The following LAYN variants were observed in gnomAD, a reference collection of about 807,000 sequenced individuals.
LAYN encodes the protein layilin.
Under a neutral mutation model 43.6 loss-of-function variants are expected in LAYN, and 38 were observed. The observed-to-expected ratio is 0.87, with a 90% CI of 0.67 to 1.14. The LOEUF (loss-of-function observed/expected upper bound fraction) is 1.14, where lower values mean the gene tolerates loss of function less well. Among genes scored for constraint, LAYN ranks in the 50% most tolerant of loss-of-function variants. LAYN has a pLI of 0.00. For synonymous variants in LAYN, 168 were observed against 172.9 expected (o/e 0.97, Z 0.22); for missense variants, 479 against 463.8 (o/e 1.03, Z -0.30).
chr11:111,554,207 T>C (rs537978112), intron 3 of LAYN, among the ~76,000 whole-genome samples: 4 of 152,314 alleles, frequency 2.6e-5, no homozygotes, highest in South Asian at 2.1e-4. Flanking sequence ...GGGATTATTG[T>C]TGAAACTAGA....
upstream of LAYN, chr11:111,540,533 C>A (rs1867508832): frequency 4.5e-6 from 2 of 440,254 alleles, no homozygotes; most frequent in Non-Finnish European, 8.1e-6. Flanking sequence ...CAGGGAAGCT[C>A]GGAGGGGGAC....
intron 5 of LAYN, among the ~76,000 whole-genome samples, chr11:111,555,942 A>C (rs913723332): frequency 2.0e-5 from 3 of 152,222 alleles, no homozygotes; most frequent in Non-Finnish European, 4.4e-5. Context: ...GCAATAGTGC[A>C]GTTCAGTTCT....
chr11:111,543,213 C>T (rs1434056775), intron 1 of LAYN, among the ~76,000 whole-genome samples: 1 of 152,152 alleles, frequency 6.6e-6, no homozygotes, highest in Non-Finnish European at 1.5e-5. Context: ...CCCTGAGCTC[C>T]AGTTTTCTCA....
In LAYN at chr11:111,553,715, TACACACACACACAC is replaced by T. The variant is rs60878342; in HGVS notation, c.542-821_542-808del. On this transcript the variant is annotated intron_variant, in intron 3 of 6. Coordinates refer to ENST00000375614, the MANE Select transcript of LAYN (RefSeq NM_178834.5). ...TAAATAAATGGATTTACATCACCTA[TACACACACACACAC>T]ACACACACACACACACACACACACT... 2.3e-4 allele frequency among the ~76,000 whole-genome samples: 32 copies of T among 140,482 alleles called. 1 individual carries two copies. The highest frequency in any genetic ancestry group is 7.5e-4 in the African/African-American group (28 of 37,344). The allele number at this position is 140,482 out of a possible 152,430, so 92.2% of individuals were successfully genotyped here.
chr11:111,544,420 A>G (rs1489792404), intron 2 of LAYN, among the ~76,000 whole-genome samples, 200 bp downstream of exon 2: 1 of 152,218 alleles, frequency 6.6e-6, no homozygotes, highest in Non-Finnish European at 1.5e-5. Flanking sequence ...CTGATGTCCA[A>G]GGAACTCTGT....
chr11:111,552,838 A>G (rs567218684), intron 3 of LAYN, among the ~76,000 whole-genome samples: 18 of 152,188 alleles, frequency 1.2e-4, no homozygotes, highest in Non-Finnish European at 2.5e-4. Flanking sequence ...AGCTTCTTAG[A>G]GGGCTGAGAT....
intron 3 of LAYN, among the ~76,000 whole-genome samples, chr11:111,552,066 GT>G (rs1290893885): frequency 6.6e-6 from 1 of 151,738 alleles, no homozygotes; most frequent in Non-Finnish European, 1.5e-5. Flanking sequence ...ACGTGTGTAT[GT>G]GATACAAAGA....
chr11:111,550,040 C>G (rs142025026), intron 3 of LAYN, among the ~76,000 whole-genome samples: 2 of 152,274 alleles, frequency 1.3e-5, no homozygotes, highest in African/African-American at 4.8e-5. Flanking sequence ...TAAAGCAAGT[C>G]TTACAAGAAC....
intron 3 of LAYN, 135 bp from the exon 4 acceptor site, chr11:111,554,426 A>G (rs1428438143): frequency 5.7e-6 from 4 of 700,256 alleles, no homozygotes; most frequent in Non-Finnish European, 9.8e-6. Flanking sequence ...AGTTCCTGAT[A>G]TCTGATAACA....
rs1437917982 is a variant in LAYN at position 111,560,528 on chromosome 11, A to G, written c.*70A>G. The G allele has an allele frequency of 6.8e-7, 1 of 1,465,878 alleles. No homozygotes were observed. Among genetic ancestry groups the G allele is most frequent in the Non-Finnish European group, 9.2e-7 (1 of 1,082,912 alleles). 90.8% of individuals were successfully genotyped at this position (1,465,878 alleles called of 1,614,324 possible). ...AAGCAAAATCCTCTTATTTTCTATA[A>G]GGAAAATACACAGAAGGTCTATGAA... is the stretch of plus-strand genomic sequence containing the variant. On this transcript the variant is annotated 3_prime_UTR_variant, in exon 7 of 7. Coordinates refer to ENST00000375614, the MANE Select transcript of LAYN (RefSeq NM_178834.5).
intron 6 of LAYN, among the ~76,000 whole-genome samples, chr11:111,558,587 A>C (rs1040534220): frequency 6.6e-6 from 1 of 151,792 alleles, no homozygotes; most frequent in South Asian, 2.1e-4. Context: ...TACTCTGCCT[A>C]CTCAGTTGGT....
chr11:111,545,074 A>ATATATTTTTT (rs1170875315), intron 2 of LAYN, among the ~76,000 whole-genome samples: 3 of 148,390 alleles, frequency 2.0e-5, no homozygotes, highest in African/African-American at 7.6e-5. Context: ...ATATATATAT[A>ATATATTTTTT]TTTTTTACCT....
At chr11:111,547,289 A>G (rs994464989) in intron 2 of LAYN, among the ~76,000 whole-genome samples, 1 of 152,228 alleles carries the variant, frequency 6.6e-6, no homozygotes, top group Admixed American at 6.5e-5. Context: ...CATAAGATTT[A>G]TCTCCAACCC....
At chr11:111,557,245 A>T (rs1867862823) in intron 5 of LAYN, among the ~76,000 whole-genome samples, 2 of 152,158 alleles carry the variant, frequency 1.3e-5, no homozygotes, top group African/African-American at 4.8e-5. Flanking sequence ...TAAAAATTTA[A>T]ACTGATTTTC....
intron 2 of LAYN, among the ~76,000 whole-genome samples, chr11:111,546,144 G>A (rs1867645139): frequency 6.6e-6 from 1 of 152,050 alleles, no homozygotes; most frequent in Non-Finnish European, 1.5e-5. Context: ...TTGTCTCCCT[G>A]CTTGTTCAGT....
At chr11:111,559,968 G>A (rs746296889) in intron 6 of LAYN, 127 bp from the exon 7 acceptor site, 40 of 1,113,784 alleles carry the variant, frequency 3.6e-5, no homozygotes, top group Non-Finnish European at 5.1e-5. Flanking sequence ...TGGCCTGTAA[G>A]TTACATAGAC....
chr11:111,556,951 T>C (rs1867856960), intron 5 of LAYN, among the ~76,000 whole-genome samples: 1 of 152,212 alleles, frequency 6.6e-6, no homozygotes, highest in African/African-American at 2.4e-5. Flanking sequence ...CTGAATCTAA[T>C]TGGTCTTAGA....
At position 111,544,179 on chromosome 11, in the gene LAYN, G is replaced by A. The variant is rs1388156177; in HGVS notation, c.342G>A (p.Gln114=). 1 of 1,614,060 alleles carries A rather than the reference G, an allele frequency of 6.2e-7. No homozygotes were observed. The highest frequency in any genetic ancestry group is 2.2e-5 in the East Asian group (1 of 44,894). ...AACAAAGCAATAGCACAGCCTGCCA[G>A]GACCTTTATGCTTGGACTGATGGCA... The part of the protein sequence containing the change: ...EEKQSNSTAC[Q]DLYAWTDGSI... The change falls in exon 2 of 7, where the codon CAG becomes CAA. Residue 114 remains glutamine, a synonymous_variant. Transcript: ENST00000375614.
intron 1 of LAYN, chr11:111,541,712 G>C: frequency 1.2e-6 from 1 of 806,232 alleles, no homozygotes; most frequent in South Asian, 1.4e-5. Context: ...AGGAGACTGG[G>C]AACCTCCTCT....
Sources: allele counts gnomAD v4.1 joint callset (sites outside exome capture counted in the v4.1 genomes callset), GRCh38; gene constraint gnomAD v4.1.1; transcripts MANE v1.5; gene names NCBI Gene and HGNC (gene_info 2026-07-23, HGNC 2026-07-21).